S100A13: variants seen among roughly 807,000 people sequenced by gnomAD.
S100A13 encodes S100 calcium binding protein A13.
In S100A13, 6 loss-of-function variants were observed where a neutral mutation model predicts 8.2. The ratio of observed to expected loss-of-function variants is 0.73; its 90% CI spans 0.40 to 1.44. The LOEUF (loss-of-function observed/expected upper bound fraction) is 1.44, where lower values mean the gene tolerates loss of function less well. Ranked by LOEUF, S100A13 falls within the 40% of genes most tolerant of loss-of-function variation. The pLI is 0.02. For synonymous variants in S100A13, 39 were observed against 45.9 expected, an observed-to-expected ratio of 0.85 and a Z score of 0.61; for missense variants, 114 against 113.6, an observed-to-expected ratio of 1.00 and a Z score of -0.02.
At chr1:153,626,910 T>C (rs139409452) in intron 1 of S100A13, 2,357 of 157,710 alleles carry the variant, frequency 0.015, 33 homozygotes, top group Non-Finnish European at 0.022. Flanking sequence ...CTCTGTGGCG[T>C]GTCTGTCTCA....
At chr1:153,620,009 G>C (rs573242416) in intron 2 of S100A13, among the ~76,000 whole-genome samples, 1 of 152,318 alleles carries the variant, frequency 6.6e-6, no homozygotes, top group South Asian at 2.1e-4. Flanking sequence ...GAAGCAGGAA[G>C]GGTGCGGTGG....
At chr1:153,622,736 G>A (rs569777317) in intron 2 of S100A13, among the ~76,000 whole-genome samples, 2 of 152,222 alleles carry the variant, frequency 1.3e-5, no homozygotes, top group South Asian at 4.1e-4. Context: ...TTCCAGCTGT[G>A]ATGGTCTGTG....
At chr1:153,629,189 C>T (rs1421437038), upstream of S100A13, 1 of 152,458 alleles carries the variant, frequency 6.6e-6, no homozygotes, top group African/African-American at 2.4e-5. Flanking sequence ...ACGTAAAATC[C>T]CAGGCTGCTT....
upstream of S100A13, chr1:153,630,728 C>G (rs1667966596): frequency 6.4e-7 from 1 of 1,553,956 alleles, no homozygotes; most frequent in African/African-American, 1.4e-5. Flanking sequence ...TGGACACCCC[C>G]TTGCTATCTC....
upstream of S100A13, chr1:153,631,601 C>T: frequency 6.2e-7 from 1 of 1,613,814 alleles, no homozygotes; most frequent in South Asian, 1.1e-5. Flanking sequence ...GTTCCTCTCG[C>T]TCATCTTTGC....
At chr1:153,633,802 G>A (rs991103658), upstream of S100A13, among the ~76,000 whole-genome samples, 13 of 122,842 alleles carry the variant, frequency 1.1e-4, no homozygotes, top group Non-Finnish European at 1.9e-4. Flanking sequence ...CCCCTCTAAG[G>A]CCCACATTAA....
intron 2 of S100A13, among the ~76,000 whole-genome samples, chr1:153,623,271 G>A (rs989616895): frequency 5.3e-5 from 8 of 152,106 alleles, no homozygotes; most frequent in African/African-American, 9.7e-5. Flanking sequence ...TGGGATCCAG[G>A]GCACCAGTGA....
intron 2 of S100A13, among the ~76,000 whole-genome samples, chr1:153,621,692 AG>A (rs112366334): frequency 0.026 from 3,746 of 145,906 alleles, 147 homozygotes; most frequent in African/African-American, 0.093. Context: ...AAAAAAAAAA[AG>A]AAAGAAAGAA....
At chr1:153,631,955 C>T, upstream of S100A13, 3 of 1,165,124 alleles carry the variant, frequency 2.6e-6, no homozygotes, top group Non-Finnish European at 3.5e-6. Context: ...CTTGCCCACC[C>T]CACCCCCACC....
chr1:153,628,101 C>T, upstream of S100A13: 1 of 1,550,448 alleles, frequency 6.4e-7, no homozygotes, highest in Non-Finnish European at 8.7e-7. Flanking sequence ...AAGACCCCCT[C>T]AGCAGAATTC....
At chr1:153,628,486 C>A (rs1299544572), upstream of S100A13, 31 of 1,550,626 alleles carry the variant, frequency 2.0e-5, no homozygotes, top group East Asian at 7.6e-4. Context: ...CACCTCAGGC[C>A]CAGGCCAACC....
At chr1:153,623,046 C>T (rs916672277) in intron 2 of S100A13, among the ~76,000 whole-genome samples, 3 of 151,542 alleles carry the variant, frequency 2.0e-5, no homozygotes, top group Admixed American at 6.6e-5. Context: ...ACTGTAATCA[C>T]GCCATTGCAC....
intron 2 of S100A13, among the ~76,000 whole-genome samples, chr1:153,620,687 T>C (rs1667185225): frequency 6.6e-6 from 1 of 152,198 alleles, no homozygotes; most frequent in South Asian, 2.1e-4. Flanking sequence ...GCATTATGTA[T>C]TACAAGTAAC....
intron 2 of S100A13, among the ~76,000 whole-genome samples, chr1:153,623,149 A>G (rs1156442607): frequency 2.6e-5 from 4 of 152,254 alleles, no homozygotes; most frequent in Admixed American, 6.5e-5. Context: ...GGAGAAGGAA[A>G]ATTTGAGGAC....
upstream of S100A13, chr1:153,627,704 A>G: frequency 5.6e-6 from 1 of 180,060 alleles, no homozygotes; most frequent in Non-Finnish European, 1.2e-5. Flanking sequence ...CAGGGAGAGG[A>G]GCTGCCTGGA....
upstream of S100A13, chr1:153,630,509 GTGCACTGC>G (rs757266543): frequency 2.2e-5 from 36 of 1,613,770 alleles, no homozygotes; most frequent in African/African-American, 3.3e-4. Flanking sequence ...GGGTGGGTAG[GTGCACTGC>G]TGCAATGGGC....
At chr1:153,627,765 G>T (rs996257325), upstream of S100A13, among the ~76,000 whole-genome samples, 1 of 152,080 alleles carries the variant, frequency 6.6e-6, no homozygotes, top group Admixed American at 6.5e-5. Context: ...CAATACTGGG[G>T]GCTGCTGCCA....
upstream of S100A13, chr1:153,628,285 C>A: frequency 1.3e-6 from 2 of 1,515,116 alleles, no homozygotes; most frequent in South Asian, 1.3e-5. Flanking sequence ...GAGACAAGGG[C>A]CGCCTGTTCC....
chr1:153,628,453 G>A, upstream of S100A13: 1 of 1,550,724 alleles, frequency 6.4e-7, no homozygotes, highest in Non-Finnish European at 8.7e-7. Flanking sequence ...TGCAACCTTG[G>A]CCATCTGTCC....
Sources: allele counts gnomAD v4.1 joint callset (sites outside exome capture counted in the v4.1 genomes callset), GRCh38; gene constraint gnomAD v4.1.1; transcripts MANE v1.5; gene names NCBI Gene and HGNC (gene_info 2026-07-23, HGNC 2026-07-21).